Variants in ETHE1 observed in about 807,000 individuals in gnomAD.
ETHE1 encodes the protein persulfide dioxygenase ETHE1, mitochondrial.
In ETHE1, 16 loss-of-function variants were observed where a neutral mutation model predicts 25.7. The observed-to-expected ratio is 0.62, with a 90% confidence interval of 0.42 to 0.95. The LOEUF (loss-of-function observed/expected upper bound fraction) is 0.95, where lower values mean the gene tolerates loss of function less well. Among genes scored for constraint, ETHE1 ranks in the 40% least tolerant of loss-of-function variants. The pLI, the probability that ETHE1 is intolerant of heterozygous loss-of-function variation, is 0.00. For missense variants in ETHE1, 300 were observed against 333.6 expected (o/e 0.90, Z 0.79); for synonymous variants, 139 against 135.9 (o/e 1.02, Z -0.16).
chr19:43,512,691 A>C (rs1971940291), intron 3 of ETHE1, among the ~76,000 whole-genome samples: 1 of 152,220 alleles, frequency 6.6e-6, no homozygotes, highest in Non-Finnish European at 1.5e-5. Flanking sequence ...CCTATGTTTA[A>C]AAGGGAAATA....
At chr19:43,507,900 C>T (rs1331732276) in intron 6 of ETHE1, 44 bp downstream of exon 6, 26 of 1,598,572 alleles carry the variant, frequency 1.6e-5, no homozygotes, top group Non-Finnish European at 2.1e-5. Flanking sequence ...AGACCCCAGC[C>T]CCTCCTCTCT....
chr19:43,509,981 G>C (rs1971877200), intron 4 of ETHE1, among the ~76,000 whole-genome samples: 1 of 152,188 alleles, frequency 6.6e-6, no homozygotes, highest in Non-Finnish European at 1.5e-5. Context: ...ATAAATGGGA[G>C]ATTGGGAGCC....
chr19:43,524,389 TA>T (rs771352458), intron 3 of ETHE1, among the ~76,000 whole-genome samples: 21,241 of 83,152 alleles, frequency 0.26, 1,687 homozygotes, highest in Non-Finnish European at 0.28. Context: ...TGTCTCAAAT[TA>T]AAAAAAAAAA....
intron 3 of ETHE1, among the ~76,000 whole-genome samples, chr19:43,524,582 T>G (rs1972202905): frequency 6.6e-6 from 1 of 152,024 alleles, no homozygotes; most frequent in African/African-American, 2.4e-5. Flanking sequence ...TTATATGGTA[T>G]GTGGGTTATA....
At chr19:43,513,572 T>C (rs1971962096) in intron 3 of ETHE1, among the ~76,000 whole-genome samples, 1 of 152,196 alleles carries the variant, frequency 6.6e-6, no homozygotes. Flanking sequence ...GCCCCTTCAT[T>C]TTGGCCAATT....
At chr19:43,511,702 T>A in intron 3 of ETHE1, 136 bp from the exon 4 acceptor site, 1 of 966,304 alleles carries the variant, frequency 1.0e-6, no homozygotes, top group Non-Finnish European at 1.5e-6. Context: ...CAGGCTGTAA[T>A]CTTATATTAT....
chr19:43,516,623 C>CTTT lies in ETHE1; in HGVS notation c.376-5060_376-5058dup, dbSNP rs71169249. ...CTGGCTTTTTTTTCTTTCTTTTTTTCTTTTTTTTTTTTTTTTTTGAGATAG... is the reference window on the plus strand; with the variant it reads ...CTGGCTTTTTTTTCTTTCTTTTTTTCTTTTTTTTTTTTTTTTTTTTTGAGATAG... On this transcript the variant is annotated intron_variant, in intron 3 of 6. Coordinates refer to ENST00000292147, the MANE Select transcript of ETHE1 (RefSeq NM_014297.5). Among the ~76,000 whole-genome samples, 152 of 110,176 alleles carry CTTT rather than the reference C, an allele frequency of 1.4e-3. 5 individuals are homozygous for CTTT. Among genetic ancestry groups the CTTT allele is most frequent in the East Asian group, 0.011 (41 of 3,696 alleles). The allele number at this position is 110,176 out of a possible 152,430, so 72.3% of individuals were successfully genotyped here. A position where few individuals can be genotyped will look rare whatever the true frequency, so the allele number is the denominator to read the frequency against.
At chr19:43,526,738 T>TC in intron 1 of ETHE1, 79 bp from the exon 2 acceptor site, 1 of 1,604,954 alleles carries the variant, frequency 6.2e-7, no homozygotes, top group African/African-American at 1.3e-5. Flanking sequence ...ACTGACCCTA[T>TC]CCTCTTCCTA....
intron 3 of ETHE1, among the ~76,000 whole-genome samples, chr19:43,518,999 G>GTGTATTTTTTTTTTT (rs1568497899): frequency 2.2e-5 from 2 of 91,012 alleles, no homozygotes; most frequent in African/African-American, 4.2e-5. Context: ...ATTTGTGCTT[G>GTGTATTTTTTTTTTT]TTTTTTTTTT....
At position 43,508,346 on chromosome 19, in the gene ETHE1, C is replaced by CT. The variant is rs397933393; in HGVS notation, c.596-287dup. On this transcript the variant is annotated intron_variant, in intron 5 of 6. Coordinates refer to ENST00000292147, the MANE Select transcript of ETHE1 (RefSeq NM_014297.5). ...CACAGCAGGCTCAAGCACTTTATCTCTTTTTTTTTTTTTTTTTTTGAGACA... is the reference window on the plus strand; with the variant it reads ...CACAGCAGGCTCAAGCACTTTATCTCTTTTTTTTTTTTTTTTTTTTGAGACA... Among the ~76,000 whole-genome samples, 30,924 of 124,550 alleles carry CT rather than the reference C, an allele frequency of 0.25. 4,675 individuals carry two copies. The highest frequency in any genetic ancestry group is 0.49 in the East Asian group (2,148 of 4,340). The allele number at this position is 124,550 out of a possible 152,430, so 81.7% of individuals were successfully genotyped here. A position where few individuals can be genotyped will look rare whatever the true frequency, so the allele number is the denominator to read the frequency against.
intron 3 of ETHE1, among the ~76,000 whole-genome samples, chr19:43,519,974 G>C (rs1170967317): frequency 6.6e-6 from 1 of 151,576 alleles, no homozygotes; most frequent in Non-Finnish European, 1.5e-5. Flanking sequence ...AGCTACTTGG[G>C]AGGCTGAGGC....
chr19:43,516,623 C>CTTTTTT (rs71169249), intron 3 of ETHE1, among the ~76,000 whole-genome samples: 4 of 110,172 alleles, frequency 3.6e-5, no homozygotes, highest in Non-Finnish European at 5.2e-5. Flanking sequence ...TTCTTTTTTT[C>CTTTTTT]TTTTTTTTTT....
chr19:43,509,877 A>T (rs757666514), intron 4 of ETHE1, among the ~76,000 whole-genome samples: 37 of 152,210 alleles, frequency 2.4e-4, no homozygotes, highest in Admixed American at 1.3e-4. Flanking sequence ...CATGGTCCCC[A>T]CAAGCAGCTC....
At chr19:43,522,092 G>T (rs1972148521) in intron 3 of ETHE1, among the ~76,000 whole-genome samples, 1 of 152,090 alleles carries the variant, frequency 6.6e-6, no homozygotes, top group Admixed American at 6.6e-5. Context: ...TGTAAGCTAA[G>T]AATCATTTTA....
chr19:43,524,496 C>T (rs1237134956), intron 3 of ETHE1, among the ~76,000 whole-genome samples: 1 of 151,554 alleles, frequency 6.6e-6, no homozygotes, highest in African/African-American at 2.4e-5. Flanking sequence ...GAAACATTTT[C>T]CAATTAATGG....
Position 43,527,192 on chromosome 19 carries a change from G to C in ETHE1, c.-15C>G. 6.5e-7 allele frequency: 1 copy of C among 1,535,736 alleles called. No homozygotes were observed. The highest frequency in any genetic ancestry group is 8.7e-7 in the Non-Finnish European group (1 of 1,146,012). ...GCCTCCGCCATCGCGCCCACTGCGG[G>C]GTCAGGAATGAGCGGAGGCCGAGCG... On this transcript the variant is annotated 5_prime_UTR_variant, in exon 1 of 7. Coordinates refer to ENST00000292147, the MANE Select transcript of ETHE1 (RefSeq NM_014297.5).
At chr19:43,508,749 C>G in intron 5 of ETHE1, 26 bp downstream of exon 5, 8 of 1,542,986 alleles carry the variant, frequency 5.2e-6, no homozygotes, top group Non-Finnish European at 7.1e-6. Flanking sequence ...TATGTACGCC[C>G]CACACCTCTT....
At chr19:43,512,988 G>A (rs73043650) in intron 3 of ETHE1, among the ~76,000 whole-genome samples, 17,630 of 152,222 alleles carry the variant, frequency 0.12, 1,027 homozygotes, top group African/African-American at 0.15. Context: ...CATCCCAGTC[G>A]GGGCTAAAAG....
chr19:43,526,843 C>T (rs1390600135), intron 1 of ETHE1, 184 bp from the exon 2 acceptor site: 1 of 1,483,824 alleles, frequency 6.7e-7, no homozygotes, highest in Non-Finnish European at 8.9e-7. Context: ...AGAGTTCCAA[C>T]TTCCTAACAT....
Sources: gnomAD v4.1 joint callset for allele counts (sites outside exome capture counted in the v4.1 genomes callset) on GRCh38, gnomAD v4.1.1 for gene constraint, MANE v1.5 for transcripts, NCBI Gene and HGNC (gene_info 2026-07-23, HGNC 2026-07-21) for gene names.